Variants in STAC3 observed in about 807,000 individuals in gnomAD.
STAC3 encodes the protein SH3 and cysteine-rich domain-containing protein 3.
In STAC3, 30 loss-of-function variants were observed where a neutral mutation model predicts 48.5. The observed-to-expected ratio is 0.62, with a 90% confidence interval of 0.46 to 0.84. The LOEUF (loss-of-function observed/expected upper bound fraction) is 0.84. Ranked by LOEUF, STAC3 falls within the 40% of genes least tolerant of loss-of-function variation. The pLI, the probability that STAC3 is intolerant of heterozygous loss-of-function variation, is 0.00. For missense variants in STAC3, 419 were observed against 462.6 expected (o/e 0.91, Z 0.86); for synonymous variants, 144 against 158.6 (o/e 0.91, Z 0.69).
rs1592247769 is a variant in STAC3 at position 57,248,581 on chromosome 12, G to A, written c.432+125C>T. The stretch of plus-strand genomic sequence containing the variant: ...TTAGAGACGGGGTTTCACTGTGTTA[G>A]CCAGGATGGTCTCGATCTCCTGACC... On this transcript the variant is annotated intron_variant, in intron 4 of 11. Transcript: ENST00000332782. 4 of 732,070 alleles carry A rather than the reference G, an allele frequency of 5.5e-6. No individual in the cohort carries two copies. In the East Asian group the frequency reaches 1.1e-4, roughly 20 times the overall value. The allele number at this position is 732,070 out of a possible 1,614,324, so 45.3% of individuals were successfully genotyped here. A position where few individuals can be genotyped will look rare whatever the true frequency, so the allele number is the denominator to read the frequency against.
At chr12:57,245,097 G>C in intron 7 of STAC3, 48 bp downstream of exon 7, 1 of 1,610,414 alleles carries the variant, frequency 6.2e-7, no homozygotes, top group Non-Finnish European at 8.5e-7. Context: ...TTCCACAGCT[G>C]AGCCTCTGAT....
intron 4 of STAC3, 111 bp downstream of exon 4, chr12:57,248,595 G>C: frequency 1.2e-6 from 1 of 806,678 alleles, no homozygotes; most frequent in Non-Finnish European, 2.1e-6. Flanking sequence ...GGATGGTCTC[G>C]ATCTCCTGAC....
chr12:57,247,625 C>T (rs1165392453), intron 5 of STAC3, among the ~76,000 whole-genome samples: 4 of 151,642 alleles, frequency 2.6e-5, no homozygotes, highest in African/African-American at 7.3e-5. Context: ...TTAGTAGAGA[C>T]GGGGTTTCAC....
At chr12:57,247,415 TATTATTATTATTA>T (rs1483303186) in intron 5 of STAC3, among the ~76,000 whole-genome samples, 6 of 34,628 alleles carry the variant, frequency 1.7e-4, no homozygotes, top group East Asian at 5.4e-4. Context: ...TTATTATTAT[TATTATTATTATTA>T]TTTTTTTTTT....
Position 57,244,979 on chromosome 12 carries a change from C to T in STAC3, c.671-14G>A. 6.2e-7 allele frequency: 1 copy of T among 1,614,066 alleles called. No individual in the cohort carries two copies. The highest frequency in any genetic ancestry group is 8.5e-7 in the Non-Finnish European group (1 of 1,179,976). On this transcript the variant is annotated splice_polypyrimidine_tract_variant and intron_variant, in intron 7 of 11. Coordinates refer to ENST00000332782, the MANE Select transcript of STAC3 (RefSeq NM_145064.3). ...CTTCAGGGTTTCCTGGGATAGGAAACACCAACAAATTGTCTGTCTCCTGGA... is the reference window on the plus strand; with the variant it reads ...CTTCAGGGTTTCCTGGGATAGGAAATACCAACAAATTGTCTGTCTCCTGGA...
chr12:57,248,672 C>A, intron 4 of STAC3, 34 bp downstream of exon 4: 1 of 1,572,384 alleles, frequency 6.4e-7, no homozygotes, highest in South Asian at 1.1e-5. Flanking sequence ...CACGCGTGGC[C>A]ATGTCCCCTC....
At chr12:57,248,065 A>C in intron 5 of STAC3, 61 bp downstream of exon 5, 1 of 1,460,674 alleles carries the variant, frequency 6.8e-7, no homozygotes, top group Non-Finnish European at 9.6e-7. Flanking sequence ...CCAAAGCTAG[A>C]GATGGCATGA....
In STAC3 at chr12:57,248,217, G is replaced by C. The variant is rs769681179; in HGVS notation, c.433-19C>G. The C allele has an allele frequency of 7.5e-6, 12 of 1,602,870 alleles. No individual in the cohort carries two copies. The East Asian group carries it at 2.7e-4, about 36-fold the overall frequency. On this transcript the variant is annotated intron_variant, in intron 4 of 11. Coordinates refer to ENST00000332782, the MANE Select transcript of STAC3 (RefSeq NM_145064.3). ...CAGGTGGCTGTAGGATGGGATGAGAGGAAGCATTAGAGGTAGCAAAGTAAG... is the reference window on the plus strand; with the variant it reads ...CAGGTGGCTGTAGGATGGGATGAGACGAAGCATTAGAGGTAGCAAAGTAAG...
chr12:57,246,968 GGA>G, intron 5 of STAC3, 67 bp from the exon 6 acceptor site: 1 of 1,499,826 alleles, frequency 6.7e-7, no homozygotes, highest in Non-Finnish European at 9.3e-7. Context: ...GGAAAGGAAG[GGA>G]GAGGTGGGAT....
chr12:57,246,064 G>A (rs1467300307), intron 6 of STAC3, among the ~76,000 whole-genome samples: 1 of 144,608 alleles, frequency 6.9e-6, no homozygotes, highest in East Asian at 2.1e-4. Context: ...AGCCGAGATC[G>A]TGCCATTGCA....
At chr12:57,245,382 T>TTC (rs897556619) in intron 6 of STAC3, among the ~76,000 whole-genome samples, 171 bp from the exon 7 acceptor site, 3 of 152,046 alleles carry the variant, frequency 2.0e-5, no homozygotes, top group African/African-American at 7.3e-5. Flanking sequence ...GAACTTTTTT[T>TTC]TTTTTTTTGA....
At chr12:57,248,681 T>C (rs762252531) in intron 4 of STAC3, 25 bp downstream of exon 4, 6 of 1,600,502 alleles carry the variant, frequency 3.7e-6, no homozygotes, top group Non-Finnish European at 5.1e-6. Context: ...CCATGTCCCC[T>C]CCTTGCTCTC....
rs1159948131 is a variant in STAC3, at chr12:57,244,496, T to C, written c.806+41A>G. ...CTTGGGGGAACCCAGCTCTTTCCTC[T>C]TCACTCCGCAGTACCAGCCCCCTGC... is the stretch of plus-strand genomic sequence containing the variant. On this transcript the variant is annotated intron_variant, in intron 9 of 11. Transcript: ENST00000332782. The C allele has an allele frequency of 2.5e-6, 4 of 1,613,412 alleles. No individual in the cohort carries two copies. The Admixed American group carries it at 6.7e-5, about 27-fold the overall frequency.
In STAC3 at chr12:57,243,633, G is replaced by A; in HGVS notation, c.*179C>T. The A allele has an allele frequency of 1.4e-6, 1 of 717,456 alleles. No homozygotes were observed. The highest frequency in any genetic ancestry group is 2.5e-6 in the Non-Finnish European group (1 of 398,114). The allele number at this position is 717,456 out of a possible 1,614,324, so 44.4% of individuals were successfully genotyped here. On this transcript the variant is annotated 3_prime_UTR_variant, in exon 12 of 12. Transcript: ENST00000332782. ...CTGCTCTGGGCAGCAGGTATCCGAG[G>A]CCCCAGGCTGGGGAAGGGGGCGAGA...
Position 57,244,572 on chromosome 12 carries a change from C to G in STAC3, c.771G>C (p.Arg257=). 1 of 1,614,236 alleles carries G rather than the reference C, an allele frequency of 6.2e-7. No homozygotes were observed. The highest frequency in any genetic ancestry group is 8.5e-7 in the Non-Finnish European group (1 of 1,180,042). ...GATCGTCCTTCTCCAGGGCTTTGAA[C>G]CGATAGAGAGCCACAAAGTAATGAG... ...QQSHYFVALY[R]FKALEKDDLD... The change falls in exon 9 of 12, where the codon CGG becomes CGC. Residue 257 remains arginine, a synonymous_variant. Coordinates refer to ENST00000332782, the MANE Select transcript of STAC3 (RefSeq NM_145064.3).
chr12:57,248,376 T>TA, intron 4 of STAC3, 178 bp from the exon 5 acceptor site: 2 of 546,714 alleles, frequency 3.7e-6, no homozygotes, highest in Non-Finnish European at 6.5e-6. Flanking sequence ...ACATGTCCCC[T>TA]CTTTTTTTTT....
chr12:57,246,360 C>T (rs919606766), intron 6 of STAC3, among the ~76,000 whole-genome samples: 1 of 148,710 alleles, frequency 6.7e-6, no homozygotes, highest in Admixed American at 6.8e-5. Flanking sequence ...CTTTTCTTTT[C>T]CCTTCCTTCC....
rs1343689461 is a variant in STAC3, at chr12:57,244,588, A to T, written c.755T>A (p.Phe252Tyr). The T allele has an allele frequency of 2.5e-6, 4 of 1,614,092 alleles. No individual in the cohort carries two copies. The highest frequency in any genetic ancestry group is 3.4e-6 in the Non-Finnish European group (4 of 1,180,044). ...KQPGFQQSHY[F>Y]VALYRFKALE... The stretch of plus-strand genomic sequence containing the variant: ...GGCTTTGAACCGATAGAGAGCCACA[A>T]AGTAATGAGACTGCTGGAAGCCAGG... The change falls in exon 9 of 12, where the codon TTT becomes TAT. Residue 252 changes from phenylalanine (F) to tyrosine (Y), a missense_variant. By Grantham distance (22) the Phe-to-Tyr change is conservative. Transcript: ENST00000332782.
chr12:57,247,617 A>G (rs1473112698), intron 5 of STAC3, among the ~76,000 whole-genome samples: 1 of 151,654 alleles, frequency 6.6e-6, no homozygotes, highest in African/African-American at 2.4e-5. Context: ...GTGTGTTTTT[A>G]GTAGAGACGG....
Sources: gnomAD v4.1 joint callset for allele counts (sites outside exome capture counted in the v4.1 genomes callset) on GRCh38, gnomAD v4.1.1 for gene constraint, MANE v1.5 for transcripts, NCBI Gene and HGNC (gene_info 2026-07-23, HGNC 2026-07-21) for gene names.